The following FRMPD4 variants were observed in gnomAD, a reference collection of about 807,000 sequenced individuals.
FRMPD4 encodes FERM and PDZ domain-containing protein 4.
In FRMPD4, 22 loss-of-function variants were observed where a neutral mutation model predicts 94.1. That is an observed-to-expected ratio of 0.23 (90% CI 0.17 to 0.33). FRMPD4 has a LOEUF of 0.33. FRMPD4 is among the 10% of genes least tolerant of loss of function. The pLI is 1.00. For missense variants in FRMPD4, 1,111 were observed against 1,339.9 expected, an observed-to-expected ratio of 0.83 and a Z score of 2.67; for synonymous variants, 631 against 548.6, an observed-to-expected ratio of 1.15 and a Z score of -2.10.
At chrX:12,176,029 T>C (rs2056291088) in intron 1 of FRMPD4, among the ~76,000 whole-genome samples, 1 of 112,248 alleles carries the variant, frequency 8.9e-6, no homozygotes, top group Non-Finnish European at 1.9e-5. Context: ...TTACAGTATT[T>C]GTCCATTCCT....
intron 4 of FRMPD4, among the ~76,000 whole-genome samples, chrX:12,630,710 C>T (rs1161839696): frequency 8.9e-6 from 1 of 111,894 alleles, no homozygotes; most frequent in Non-Finnish European, 1.9e-5. Flanking sequence ...TTTTTACCCA[C>T]TGAAAGGGAT....
At chrX:11,978,215 A>G (rs1442228387) in intron 3 of FRMPD4, among the ~76,000 whole-genome samples, 1 of 103,183 alleles carries the variant, frequency 9.7e-6, no homozygotes, top group African/African-American at 3.5e-5. Flanking sequence ...CCAGCTACTC[A>G]GGAGGCTGAG....
intron 1 of FRMPD4, among the ~76,000 whole-genome samples, chrX:12,341,043 C>T (rs4240147): frequency 0.01 from 1,155 of 111,960 alleles, 50 homozygotes; most frequent in Admixed American, 0.097. Flanking sequence ...CTTCAGGCCT[C>T]CAGTTCTCAG....
At chrX:12,451,038 T>C (rs1241883294) in intron 1 of FRMPD4, among the ~76,000 whole-genome samples, 1 of 110,495 alleles carries the variant, frequency 9.1e-6, no homozygotes, top group Non-Finnish European at 1.9e-5. Context: ...CATCATTTCC[T>C]ACTGCTCATT....
intron 1 of FRMPD4, among the ~76,000 whole-genome samples, chrX:12,269,916 A>G (rs776524945): frequency 8.9e-6 from 1 of 112,512 alleles, no homozygotes; most frequent in East Asian, 2.8e-4. Context: ...AACCATGTTT[A>G]ACTTAGAGGT....
chrX:12,417,979 G>C lies in FRMPD4; in HGVS notation c.42-80701G>C, dbSNP rs1282529609. Among the ~76,000 whole-genome samples the C allele has an allele frequency of 8.1e-4, 70 of 86,445 alleles. 1 individual carries two copies. The highest frequency in any genetic ancestry group is 2.9e-3 in the African/African-American group (62 of 21,383). 75.1% of individuals were successfully genotyped at this position (86,445 alleles called of 115,157 possible). A position where few individuals can be genotyped will look rare whatever the true frequency, so the allele number is the denominator to read the frequency against. On this transcript the variant is annotated intron_variant, in intron 1 of 16. Coordinates refer to ENST00000675598, the MANE Select transcript of FRMPD4 (RefSeq NM_001368397.1). Reference sequence around the variant, plus strand: ...ACTGCACTCCAGCCTGGGCGACAGAGCAAGACTCTGTCTCAAAAAAAAAAA... The same window carrying C: ...ACTGCACTCCAGCCTGGGCGACAGACCAAGACTCTGTCTCAAAAAAAAAAA...
intron 13 of FRMPD4, among the ~76,000 whole-genome samples, chrX:12,708,191 G>T (rs2041912961): frequency 9.0e-6 from 1 of 111,420 alleles, no homozygotes; most frequent in African/African-American, 3.3e-5. Flanking sequence ...CAAAAATCTG[G>T]CCAGGTGCGG....
intron 3 of FRMPD4, among the ~76,000 whole-genome samples, chrX:12,046,962 A>G (rs1428800213): frequency 9.0e-6 from 1 of 111,343 alleles, no homozygotes; most frequent in Non-Finnish European, 1.9e-5. Context: ...GAACCTATCA[A>G]ACAAAAGATC....
chrX:12,706,874 C>G lies in FRMPD4; in HGVS notation c.1246C>G (p.Leu416Val). The G allele has an allele frequency of 1.7e-6, 2 of 1,175,183 alleles. No homozygotes were observed. Among genetic ancestry groups the G allele is most frequent in the Non-Finnish European group, 2.3e-6 (2 of 866,081 alleles). Residue 416 changes from leucine (L) to valine (V), a missense_variant, in exon 12 of 17, where the codon CTA becomes GTA. Around this residue, in one of 8 missense-constraint regions of FRMPD4, gnomAD observed 111 missense variants for 160.7 expected, o/e 0.69. Coordinates refer to ENST00000675598, the MANE Select transcript of FRMPD4 (RefSeq NM_001368397.1). ...KVHYLKFLSD[L>V]RLYGGRVFKA... ...CCATTATCTCAAGTTCCTCAGTGAC[C>G]TACGATTGTATGGGGGCCGTGTGTT...
rs370681650 is a variant in FRMPD4 at position 12,548,098 on chromosome X, G to C, written c.158+49302G>C. On this transcript the variant is annotated intron_variant, in intron 2 of 16. Coordinates refer to ENST00000675598, the MANE Select transcript of FRMPD4 (RefSeq NM_001368397.1). ...AAAATGTAAACCTTAACTTTTATTTGTCACATCATTAGTTTCTTAATGTAG... is the reference window on the plus strand; with the variant it reads ...AAAATGTAAACCTTAACTTTTATTTCTCACATCATTAGTTTCTTAATGTAG... Among the ~76,000 whole-genome samples the C allele has an allele frequency of 5.4e-5, 6 of 111,750 alleles. No homozygotes were observed. The East Asian group carries it at 1.7e-3, about 31-fold the overall frequency.
chrX:11,893,922 T>C (rs189566005), intron 3 of FRMPD4, among the ~76,000 whole-genome samples: 23 of 112,252 alleles, frequency 2.0e-4, no homozygotes, highest in Middle Eastern at 4.6e-3. Flanking sequence ...CTATATGTTG[T>C]TGTGAAGGGA....
chrX:12,719,969 C>T (rs772272771), intron 16 of FRMPD4, among the ~76,000 whole-genome samples: 2 of 94,365 alleles, frequency 2.1e-5, no homozygotes, highest in Non-Finnish European at 4.1e-5. Flanking sequence ...TAAATTAGGC[C>T]ACTTCTTTAA....
At chrX:11,942,260 G>A (rs1157963434) in intron 3 of FRMPD4, among the ~76,000 whole-genome samples, 1 of 98,063 alleles carries the variant, frequency 1.0e-5, no homozygotes, top group South Asian at 5.2e-4. Flanking sequence ...AGAGACAGGG[G>A]TCTCACTATG....
At chrX:12,621,956 GAA>G (rs1216627757) in intron 4 of FRMPD4, among the ~76,000 whole-genome samples, 1 of 88,362 alleles carries the variant, frequency 1.1e-5, no homozygotes, top group Non-Finnish European at 2.2e-5. Context: ...GAGAGAGAGA[GAA>G]AGAAAGAAAG....
chrX:12,319,196 G>A (rs1489103045), intron 1 of FRMPD4, among the ~76,000 whole-genome samples: 1 of 111,806 alleles, frequency 8.9e-6, no homozygotes, highest in Admixed American at 9.4e-5. Context: ...AGTATTTACT[G>A]CCTGAGCCTT....
At chrX:12,307,014 G>T (rs777696923) in intron 1 of FRMPD4, among the ~76,000 whole-genome samples, 2 of 112,426 alleles carry the variant, frequency 1.8e-5, no homozygotes, top group Non-Finnish European at 3.8e-5. Context: ...AGCAAGTGTG[G>T]GGTGTGCTGG....
In FRMPD4 at chrX:12,710,509, C is replaced by T; in HGVS notation, c.1581C>T (p.Asn527=). The change falls in exon 14 of 17, where the codon AAC becomes AAT. Residue 527 remains asparagine, a synonymous_variant. Transcript: ENST00000675598. ...GGAGGTCGATATTTAACATGGCCAA[C>T]AAGAAAAACACAGCGACCCAGGAAA... The part of the protein sequence containing the change: ...DSRRSIFNMA[N]KKNTATQETG... 1 of 1,207,184 alleles carries T rather than the reference C, an allele frequency of 8.3e-7. No homozygotes were observed. The highest frequency in any genetic ancestry group is 1.1e-6 in the Non-Finnish European group (1 of 891,982).
intron 1 of FRMPD4, among the ~76,000 whole-genome samples, chrX:12,429,373 G>C: frequency 9.0e-6 from 1 of 111,429 alleles, no homozygotes; most frequent in East Asian, 2.8e-4. Flanking sequence ...TATCAATCAA[G>C]GTCCTCTTTT....
chrX:12,452,912 G>A (rs5934002), intron 1 of FRMPD4, among the ~76,000 whole-genome samples: 4,047 of 111,941 alleles, frequency 0.036, 77 homozygotes, highest in Non-Finnish European at 0.056. Context: ...CTGTCCTGGA[G>A]CTCCAAATGG....
Sources: gnomAD v4.1 joint callset for allele counts (sites outside exome capture counted in the v4.1 genomes callset) on GRCh38, gnomAD v4.1.1 for gene constraint, gnomAD v4.1.1 regional missense constraint, MANE v1.5 for transcripts, NCBI Gene and HGNC (gene_info 2026-07-23, HGNC 2026-07-21) for gene names.